Variants in LCORL observed in about 807,000 individuals in gnomAD.
LCORL encodes the protein ligand-dependent nuclear receptor corepressor-like protein.
A neutral mutation model predicts 141.8 loss-of-function variants in LCORL; 41 were observed. The observed-to-expected ratio is 0.29, with a 90% CI of 0.23 to 0.38. The LOEUF (loss-of-function observed/expected upper bound fraction) is 0.38. Among genes scored for constraint, LCORL ranks in the 10% least tolerant of loss-of-function variants. The pLI is 1.00. For synonymous variants in LCORL, 618 were observed against 694.1 expected, an observed-to-expected ratio of 0.89 and a Z score of 1.72; for missense variants, 1,759 against 2,035.0, an observed-to-expected ratio of 0.86 and a Z score of 2.61.
chr4:17,873,885 T>C, exon 7 of LCORL: 1 of 1,234,068 alleles, frequency 8.1e-7, no homozygotes, highest in Non-Finnish European at 1.0e-6. Context: ...AAAGTCTTTT[T>C]GGCTGCAATT....
chr4:17,929,445 G>A (rs1577451799), intron 4 of LCORL, among the ~76,000 whole-genome samples: 1 of 152,050 alleles, frequency 6.6e-6, no homozygotes, highest in East Asian at 1.9e-4. Context: ...GAAAAGAATC[G>A]AGTCCAAACA....
At chr4:17,983,802 A>T (rs544129253) in intron 1 of LCORL, among the ~76,000 whole-genome samples, 1 of 152,238 alleles carries the variant, frequency 6.6e-6, no homozygotes, top group African/African-American at 2.4e-5. Context: ...TTCCAATATT[A>T]TGTTGAATAG....
intron 6 of LCORL, chr4:17,882,235 T>C (rs558376479): frequency 1.0e-6 from 1 of 984,638 alleles, no homozygotes; most frequent in Admixed American, 6.2e-5. Flanking sequence ...ACTTATTTTT[T>C]AAATTCAGCT....
intron 5 of LCORL, among the ~76,000 whole-genome samples, chr4:17,903,978 T>A (rs1281506863): frequency 6.6e-6 from 1 of 151,966 alleles, no homozygotes; most frequent in African/African-American, 2.4e-5. Context: ...CTAAAGGTTA[T>A]CATGGAAAAG....
intron 7 of LCORL, among the ~76,000 whole-genome samples, chr4:17,847,449 A>T (rs1331218294): frequency 1.3e-5 from 2 of 152,216 alleles, no homozygotes; most frequent in Non-Finnish European, 2.9e-5. Flanking sequence ...TAACATATCT[A>T]ACTGCATTCT....
At chr4:17,895,032 TAATA>T (rs1424636531) in intron 5 of LCORL, among the ~76,000 whole-genome samples, 1 of 149,076 alleles carries the variant, frequency 6.7e-6, no homozygotes, top group Non-Finnish European at 1.5e-5. Flanking sequence ...TTTATATATA[TAATA>T]TATATAAAAA....
intron 6 of LCORL, chr4:17,883,621 C>A: frequency 7.2e-7 from 1 of 1,388,338 alleles, no homozygotes; most frequent in Non-Finnish European, 9.3e-7. Context: ...GTAATTCCCA[C>A]GTGTGTATAT....
At chr4:17,955,770 T>G (rs1712494622) in intron 4 of LCORL, among the ~76,000 whole-genome samples, 1 of 152,120 alleles carries the variant, frequency 6.6e-6, no homozygotes, top group Non-Finnish European at 1.5e-5. Flanking sequence ...GATAAGATTC[T>G]GAGTGTTAAA....
intron 4 of LCORL, among the ~76,000 whole-genome samples, chr4:17,948,575 T>C (rs1284217849): frequency 6.6e-6 from 1 of 152,016 alleles, no homozygotes; most frequent in African/African-American, 2.4e-5. Flanking sequence ...GCCAGGAATA[T>C]GAACTTGAAA....
intron 1 of LCORL, among the ~76,000 whole-genome samples, chr4:17,987,127 A>AT (rs1719116009): frequency 6.6e-6 from 1 of 152,144 alleles, no homozygotes; most frequent in Non-Finnish European, 1.5e-5. Flanking sequence ...CAGAAAATCA[A>AT]TTTTATCTGA....
intron 7 of LCORL, 94 bp downstream of exon 7, chr4:17,873,294 A>C: frequency 1.2e-6 from 1 of 816,248 alleles, no homozygotes; most frequent in Non-Finnish European, 1.6e-6. Flanking sequence ...TTTGGAAACT[A>C]ATTAAAACTG....
chr4:17,925,878 CAAAAAAAAAAA>C lies in LCORL; in HGVS notation c.431-16544_431-16534del, dbSNP rs71167343. 9.8e-3 allele frequency among the ~76,000 whole-genome samples: 951 copies of C among 96,596 alleles called. 21 individuals are homozygous for C. Among genetic ancestry groups the C allele is most frequent in the African/African-American group, 0.041 (769 of 18,602 alleles). 63.4% of individuals were successfully genotyped at this position (96,596 alleles called of 152,430 possible). A position where few individuals can be genotyped will look rare whatever the true frequency, so the allele number is the denominator to read the frequency against. On this transcript the variant is annotated intron_variant, in intron 4 of 7. Coordinates refer to ENST00000635767, the Ensembl canonical transcript of LCORL. ...AGAGTGACAGAGTGAGATTCCATCT[CAAAAAAAAAAA>C]AAAAAAAAAAAAAAAAGAACATGTT... is the stretch of plus-strand genomic sequence containing the variant.
At chr4:17,914,062 CT>C (rs1732993842) in intron 4 of LCORL, among the ~76,000 whole-genome samples, 1 of 152,124 alleles carries the variant, frequency 6.6e-6, no homozygotes, top group Admixed American at 6.5e-5. Flanking sequence ...CCATGTGATA[CT>C]TTTTTAGTCC....
intron 1 of LCORL, among the ~76,000 whole-genome samples, chr4:17,975,756 A>T (rs1252795764): frequency 6.6e-6 from 1 of 152,200 alleles, no homozygotes; most frequent in Non-Finnish European, 1.5e-5. Flanking sequence ...CAGTCATTGT[A>T]AATTTCCTGA....
At chr4:17,926,247 G>T (rs867644474) in intron 4 of LCORL, among the ~76,000 whole-genome samples, 1 of 152,128 alleles carries the variant, frequency 6.6e-6, no homozygotes, top group Non-Finnish European at 1.5e-5. Flanking sequence ...GTCTGTGAGG[G>T]TGTTGCCAAA....
intron 4 of LCORL, among the ~76,000 whole-genome samples, chr4:17,959,513 A>G (rs1025392589): frequency 1.3e-5 from 2 of 152,094 alleles, no homozygotes; most frequent in African/African-American, 4.8e-5. Flanking sequence ...GAGATAGAGC[A>G]TAAAAAAGGT....
chr4:17,895,177 A>G (rs1299220328), intron 5 of LCORL, among the ~76,000 whole-genome samples: 9 of 152,120 alleles, frequency 5.9e-5, no homozygotes, highest in Non-Finnish European at 1.3e-4. Context: ...TTTGGTGACA[A>G]CATTCAAAAT....
At chr4:17,951,030 A>G (rs1560392861) in intron 4 of LCORL, among the ~76,000 whole-genome samples, 1 of 152,160 alleles carries the variant, frequency 6.6e-6, no homozygotes, top group Non-Finnish European at 1.5e-5. Flanking sequence ...ACTTCCATGG[A>G]TTCAGACATG....
chr4:17,991,811 A>G (rs1720059926), intron 1 of LCORL, among the ~76,000 whole-genome samples: 1 of 152,164 alleles, frequency 6.6e-6, no homozygotes, highest in Admixed American at 6.5e-5. Flanking sequence ...AAAGAAAAAA[A>G]TCAAATATTT....
Sources: gnomAD v4.1 joint callset for allele counts (sites outside exome capture counted in the v4.1 genomes callset) on GRCh38, gnomAD v4.1.1 for gene constraint, MANE v1.5 for transcripts, NCBI Gene and HGNC (gene_info 2026-07-23, HGNC 2026-07-21) for gene names.